Variants in LARP1B observed in about 807,000 individuals in gnomAD.
The protein encoded by LARP1B is La ribonucleoprotein 1B.
LARP1B carries 76 observed loss-of-function variants against 114.2 expected under a neutral mutation model. That is an observed-to-expected ratio of 0.67 (90% CI 0.55 to 0.81). The LOEUF is 0.81. Ranked by LOEUF, LARP1B falls within the 30% of genes least tolerant of loss-of-function variation. LARP1B has a pLI of 0.00. For synonymous variants in LARP1B, 345 were observed against 348.0 expected (o/e 0.99, Z 0.10); for missense variants, 1,014 against 1,075.8 (o/e 0.94, Z 0.80).
intron 11 of LARP1B, chr4:128,123,332 T>C: frequency 1.0e-6 from 1 of 985,378 alleles, no homozygotes; most frequent in Non-Finnish European, 1.2e-6. Flanking sequence ...CAGTTGAAAG[T>C]CTTTCCTAGT....
At position 128,203,483 on chromosome 4, in the gene LARP1B, T is replaced by C. The variant is rs148612789; in HGVS notation, c.2309+2818T>C. 4.9e-3 allele frequency among the ~76,000 whole-genome samples: 741 copies of C among 151,976 alleles called. 2 individuals are homozygous for C. The highest frequency in any genetic ancestry group is 0.017 in the African/African-American group (700 of 41,456). On this transcript the variant is annotated intron_variant, in intron 17 of 19. Coordinates refer to ENST00000326639, the MANE Select transcript of LARP1B (RefSeq NM_018078.4). ...CTGCCTCCTGGGTTCAAGCAATTCT[T>C]CTGCCTCAGCCTCGTAAGTAGCTGG...
At chr4:128,201,572 T>C (rs1755951636) in intron 17 of LARP1B, among the ~76,000 whole-genome samples, 3 of 152,244 alleles carry the variant, frequency 2.0e-5, no homozygotes, top group Admixed American at 6.5e-5. Flanking sequence ...ATTCTTCAAA[T>C]GAACCAAGCT....
chr4:128,156,486 CTT>C (rs2150375532), intron 11 of LARP1B, among the ~76,000 whole-genome samples: 1 of 152,242 alleles, frequency 6.6e-6, no homozygotes, highest in Non-Finnish European at 1.5e-5. Context: ...AGCCCAGAGA[CTT>C]TGTAGATCCT....
At chr4:128,102,829 A>T (rs1270066669) in intron 8 of LARP1B, among the ~76,000 whole-genome samples, 1 of 152,174 alleles carries the variant, frequency 6.6e-6, no homozygotes, top group Admixed American at 6.6e-5. Flanking sequence ...GAGTATGAGG[A>T]TTTAGAGGAA....
chr4:128,171,587 C>T (rs181969573), intron 12 of LARP1B, among the ~76,000 whole-genome samples: 1 of 152,236 alleles, frequency 6.6e-6, no homozygotes, highest in Admixed American at 6.5e-5. Context: ...GGACCTTTAC[C>T]GTTTATCTTG....
chr4:128,069,635 G>A, intron 1 of LARP1B: 2 of 631,028 alleles, frequency 3.2e-6, no homozygotes, highest in Non-Finnish European at 5.7e-6. Flanking sequence ...GATGGCTGCT[G>A]CTAGACAGAA....
At position 128,065,326 on chromosome 4, in the gene LARP1B, T is replaced by TTTC. The variant is rs879467642; in HGVS notation, c.-78+3925_-78+3926insTTC. Among the ~76,000 whole-genome samples the TTTC allele has an allele frequency of 7.7e-3, 1,040 of 135,078 alleles. 19 individuals carry two copies. The highest frequency in any genetic ancestry group is 0.01 in the Non-Finnish European group (626 of 62,322). 88.6% of individuals were successfully genotyped at this position (135,078 alleles called of 152,430 possible). On this transcript the variant is annotated intron_variant, in intron 1 of 19. Coordinates refer to ENST00000326639, the MANE Select transcript of LARP1B (RefSeq NM_018078.4). ...CTTTCTTTCTTTCTTTCTCTCTCTC[T>TTTC]CTCTCTTTCCTTTCTTTTCTTTTCT...
At position 128,210,790 on chromosome 4, in the gene LARP1B, T is replaced by C; in HGVS notation, c.*737T>C. 4 of 983,172 alleles carry C rather than the reference T, an allele frequency of 4.1e-6. No homozygotes were observed. The South Asian group carries it at 1.4e-4, about 35-fold the overall frequency. 60.9% of individuals were successfully genotyped at this position (983,172 alleles called of 1,614,324 possible). A position where few individuals can be genotyped will look rare whatever the true frequency, so the allele number is the denominator to read the frequency against. ...GAATTGGCTATAAGCTGATTACATA[T>C]TAGAGGTTTATTTTTATGATTCTAT... On this transcript the variant is annotated 3_prime_UTR_variant, in exon 20 of 20. Coordinates refer to ENST00000326639, the MANE Select transcript of LARP1B (RefSeq NM_018078.4).
intron 4 of LARP1B, among the ~76,000 whole-genome samples, chr4:128,079,080 T>A (rs906141010): frequency 7.6e-6 from 1 of 131,676 alleles, no homozygotes; most frequent in African/African-American, 2.6e-5. Flanking sequence ...ATCACTTACT[T>A]GAATAGTTTG....
downstream of LARP1B, chr4:128,222,856 C>T (rs1157059407): frequency 6.5e-6 from 1 of 153,046 alleles, no homozygotes; most frequent in Non-Finnish European, 1.5e-5. Flanking sequence ...TCTCGGACCA[C>T]CAGATTATCT....
At chr4:128,089,753 C>T (rs530362072) in intron 5 of LARP1B, among the ~76,000 whole-genome samples, 5 of 151,240 alleles carry the variant, frequency 3.3e-5, no homozygotes, top group Non-Finnish European at 7.4e-5. Context: ...GTCCATAAGG[C>T]TGAACACTGT....
intron 18 of LARP1B, chr4:128,206,969 A>C (rs980747742): frequency 2.6e-6 from 1 of 390,960 alleles, no homozygotes; most frequent in Non-Finnish European, 3.5e-6. Context: ...TACCCTTGCT[A>C]GCCTCAGTTT....
At chr4:128,165,934 T>C (rs1177103161) in intron 12 of LARP1B, among the ~76,000 whole-genome samples, 1 of 152,134 alleles carries the variant, frequency 6.6e-6, no homozygotes, top group African/African-American at 2.4e-5. Flanking sequence ...TTCTCCTCTT[T>C]TGAATCCTCA....
chr4:128,109,988 C>T (rs1207825460), intron 9 of LARP1B, among the ~76,000 whole-genome samples: 1 of 152,142 alleles, frequency 6.6e-6, no homozygotes, highest in Non-Finnish European at 1.5e-5. Context: ...ACTGCAACTT[C>T]CGCCTCCTGG....
At chr4:128,106,593 GTAGA>G (rs1251194551) in intron 8 of LARP1B, among the ~76,000 whole-genome samples, 2 of 151,602 alleles carry the variant, frequency 1.3e-5, no homozygotes, top group South Asian at 2.1e-4. Flanking sequence ...ACTTTTAGTT[GTAGA>G]TAGATAGTGG....
At chr4:128,134,696 T>G (rs1377103870) in intron 11 of LARP1B, among the ~76,000 whole-genome samples, 1 of 152,206 alleles carries the variant, frequency 6.6e-6, no homozygotes, top group Non-Finnish European at 1.5e-5. Flanking sequence ...ATATATCTGA[T>G]AAGGGATTAG....
chr4:128,061,881 G>T (rs1344566518), intron 1 of LARP1B: 7 of 985,020 alleles, frequency 7.1e-6, no homozygotes, highest in African/African-American at 1.7e-5. Context: ...GGGGCGCGGG[G>T]AGAGCCGTCG....
intron 15 of LARP1B, among the ~76,000 whole-genome samples, chr4:128,198,349 C>G (rs1365196487): frequency 6.6e-6 from 1 of 152,130 alleles, no homozygotes; most frequent in Non-Finnish European, 1.5e-5. Flanking sequence ...ATCTCCAGAA[C>G]ATTTTCATCT....
At chr4:128,221,318 G>T (rs1016996563) in intron 7 of LARP1B, among the ~76,000 whole-genome samples, 2 of 152,054 alleles carry the variant, frequency 1.3e-5, no homozygotes, top group Non-Finnish European at 2.9e-5. Flanking sequence ...GTTTATTTAG[G>T]GTTATTATTG....
Sources: allele counts gnomAD v4.1 joint callset (sites outside exome capture counted in the v4.1 genomes callset), GRCh38; gene constraint gnomAD v4.1.1; transcripts MANE v1.5; gene names NCBI Gene and HGNC (gene_info 2026-07-23, HGNC 2026-07-21).